BTBD10: variants seen among roughly 807,000 people sequenced by gnomAD.
The protein encoded by BTBD10 is BTB/POZ domain-containing protein 10.
A neutral mutation model predicts 53.2 loss-of-function variants in BTBD10; 21 were observed. The ratio of observed to expected loss-of-function variants is 0.39; its 90% CI spans 0.28 to 0.57. BTBD10 has a LOEUF of 0.57. Ranked by LOEUF, BTBD10 falls within the 20% of genes least tolerant of loss-of-function variation. BTBD10 has a pLI of 0.53. For missense variants in BTBD10, 360 were observed against 594.7 expected, an observed-to-expected ratio of 0.61 and a Z score of 4.10; for synonymous variants, 149 against 192.7, an observed-to-expected ratio of 0.77 and a Z score of 1.88.
chr11:13,400,821 T>A (rs564219713), intron 8 of BTBD10, among the ~76,000 whole-genome samples: 1 of 152,114 alleles, frequency 6.6e-6, no homozygotes, highest in Non-Finnish European at 1.5e-5. Flanking sequence ...AAGGAAATAA[T>A]AGGGCAAATC....
intron 2 of BTBD10, among the ~76,000 whole-genome samples, chr11:13,433,277 C>T (rs1448541887): frequency 1.3e-5 from 2 of 152,190 alleles, no homozygotes; most frequent in Admixed American, 6.5e-5. Flanking sequence ...ATAAAGAAAT[C>T]CCCTGACCTA....
At chr11:13,439,987 C>G (rs1464328939) in intron 2 of BTBD10, 1 of 1,534,704 alleles carries the variant, frequency 6.5e-7, no homozygotes, top group Admixed American at 2.0e-5. Context: ...GCACTGAAAG[C>G]CAGGTCAGCA....
At chr11:13,400,256 C>G (rs1458389529) in intron 8 of BTBD10, among the ~76,000 whole-genome samples, 2 of 152,230 alleles carry the variant, frequency 1.3e-5, no homozygotes, top group Non-Finnish European at 2.9e-5. Context: ...GCGGGTGCCC[C>G]TCCCCCAGCC....
rs1950729710 is a variant in BTBD10 at position 13,445,136 on chromosome 11, C to T, written c.-12G>A. On this transcript the variant is annotated 5_prime_UTR_variant, in exon 2 of 9. Coordinates refer to ENST00000278174, the MANE Select transcript of BTBD10 (RefSeq NM_032320.7). ...GGCCGTCCTGCCATCCCACTCCAAGCTTCCTCACACTACTGCTCTGAAAGC... is the reference window on the plus strand; with the variant it reads ...GGCCGTCCTGCCATCCCACTCCAAGTTTCCTCACACTACTGCTCTGAAAGC... The T allele has an allele frequency of 7.5e-6, 12 of 1,590,908 alleles. No individual in the cohort carries two copies. The highest frequency in any genetic ancestry group is 1.0e-5 in the Non-Finnish European group (12 of 1,159,182).
intron 2 of BTBD10, among the ~76,000 whole-genome samples, chr11:13,429,860 T>C (rs1950414209): frequency 6.6e-6 from 1 of 152,200 alleles, no homozygotes; most frequent in Non-Finnish European, 1.5e-5. Flanking sequence ...TCCCAGCACC[T>C]TGCGAGGTTG....
intron 8 of BTBD10, among the ~76,000 whole-genome samples, chr11:13,395,303 G>T (rs1197490391): frequency 6.6e-6 from 1 of 152,118 alleles, no homozygotes; most frequent in Non-Finnish European, 1.5e-5. Context: ...GTGATGATGA[G>T]CTTTTTTTCA....
intron 1 of BTBD10, among the ~76,000 whole-genome samples, chr11:13,458,071 G>C (rs1385623694): frequency 6.6e-6 from 1 of 150,416 alleles, no homozygotes; most frequent in African/African-American, 2.5e-5. Flanking sequence ...GGAGGCTGGG[G>C]TGAGAGGATC....
chr11:13,419,373 G>C, intron 4 of BTBD10, 87 bp downstream of exon 4: 3 of 1,491,266 alleles, frequency 2.0e-6, no homozygotes, highest in Non-Finnish European at 2.7e-6. Flanking sequence ...CATTTCAACA[G>C]AGAATTACTG....
At chr11:13,452,504 C>T (rs1156766718) in intron 1 of BTBD10, among the ~76,000 whole-genome samples, 1 of 152,192 alleles carries the variant, frequency 6.6e-6, no homozygotes, top group Non-Finnish European at 1.5e-5. Context: ...ATAAAAGCAG[C>T]ATCAAATATA....
intron 8 of BTBD10, among the ~76,000 whole-genome samples, chr11:13,402,957 A>G (rs1297914987): frequency 2.0e-5 from 3 of 152,200 alleles, no homozygotes; most frequent in African/African-American, 7.2e-5. Context: ...TCACTAGAGA[A>G]TCTTATGGAA....
intron 1 of BTBD10, among the ~76,000 whole-genome samples, chr11:13,452,738 A>G (rs1045655159): frequency 6.6e-6 from 1 of 152,218 alleles, no homozygotes; most frequent in African/African-American, 2.4e-5. Flanking sequence ...GTAAAAGTTT[A>G]TTAACATTCA....
chr11:13,426,552 A>G (rs1950342647), intron 2 of BTBD10, among the ~76,000 whole-genome samples: 1 of 152,198 alleles, frequency 6.6e-6, no homozygotes, highest in Non-Finnish European at 1.5e-5. Flanking sequence ...ACATATACAT[A>G]TAACTAGAGT....
chr11:13,408,649 A>T (rs1284272113), intron 6 of BTBD10, among the ~76,000 whole-genome samples: 1 of 152,138 alleles, frequency 6.6e-6, no homozygotes, highest in Non-Finnish European at 1.5e-5. Flanking sequence ...CCCCATCTCA[A>T]TTAATGGCAA....
At chr11:13,436,784 TTC>T (rs1364734270) in intron 2 of BTBD10, among the ~76,000 whole-genome samples, 7 of 136,942 alleles carry the variant, frequency 5.1e-5, no homozygotes, top group East Asian at 2.0e-4. Context: ...GTCACAAGAT[TTC>T]TCTGTTTTTT....
At position 13,444,144 on chromosome 11, in the gene BTBD10, C is replaced by G. The variant is rs1950713407; in HGVS notation, c.101+880G>C. On this transcript the variant is annotated intron_variant, in intron 2 of 8. Coordinates refer to ENST00000278174, the MANE Select transcript of BTBD10 (RefSeq NM_032320.7). ...GGAGACTTAAAAAGTACCAATCACT[C>G]AAATTTTCTAGCTATAGTATATAAA... Among the ~76,000 whole-genome samples the G allele has an allele frequency of 1.3e-5, 2 of 151,664 alleles. 1 individual carries two copies. The highest frequency in any genetic ancestry group is 4.2e-4 in the South Asian group (2 of 4,800).
rs145396351 is a variant in BTBD10 at position 13,405,463 on chromosome 11, C to T, written c.1006+196G>A. Reference sequence around the variant, plus strand: ...AATACTTTGGGCATTGCGAGCCATGCAGTTTCTGTTACAACTACTCAACTC... The same window carrying T: ...AATACTTTGGGCATTGCGAGCCATGTAGTTTCTGTTACAACTACTCAACTC... On this transcript the variant is annotated intron_variant, in intron 7 of 8. Coordinates refer to ENST00000278174, the MANE Select transcript of BTBD10 (RefSeq NM_032320.7). 3.2e-3 allele frequency: 1,848 copies of T among 585,068 alleles called. 18 individuals are homozygous for T. The highest frequency in any genetic ancestry group is 2.0e-3 in the Non-Finnish European group (669 of 332,160). 36.2% of individuals were successfully genotyped at this position (585,068 alleles called of 1,614,324 possible).
chr11:13,421,918 A>C, intron 2 of BTBD10, 80 bp from the exon 3 acceptor site: 1 of 1,125,500 alleles, frequency 8.9e-7, no homozygotes, highest in Non-Finnish European at 1.2e-6. Flanking sequence ...CCCAAGTAAC[A>C]AAAAACTAGT....
intron 1 of BTBD10, among the ~76,000 whole-genome samples, chr11:13,447,742 A>G (rs1199836426): frequency 3.3e-5 from 5 of 152,120 alleles, no homozygotes; most frequent in Non-Finnish European, 7.4e-5. Context: ...TCATATTCAC[A>G]TTTCATTTGT....
At chr11:13,405,301 C>T (rs4757155) in intron 7 of BTBD10, 125,578 of 163,046 alleles carry the variant, frequency 0.77, 49,267 homozygotes, top group Middle Eastern at 0.88. Context: ...AAGCTATTTT[C>T]ATAAAGGAAG....
Sources: allele counts gnomAD v4.1 joint callset (sites outside exome capture counted in the v4.1 genomes callset), GRCh38; gene constraint gnomAD v4.1.1; transcripts MANE v1.5; gene names NCBI Gene and HGNC (gene_info 2026-07-23, HGNC 2026-07-21).